Variants in NDUFA10 observed in about 807,000 individuals in gnomAD.
The protein encoded by NDUFA10 is NADH dehydrogenase [ubiquinone] 1 alpha subcomplex subunit 10, mitochondrial.
A neutral mutation model predicts 47.8 loss-of-function variants in NDUFA10; 40 were observed. That is an observed-to-expected ratio of 0.84 (90% CI 0.65 to 1.09). The LOEUF (loss-of-function observed/expected upper bound fraction) is 1.09. Among genes scored for constraint, NDUFA10 ranks in the 50% least tolerant of loss-of-function variants. The pLI is 0.00. For synonymous variants in NDUFA10, 183 were observed against 172.2 expected (o/e 1.06, Z -0.49); for missense variants, 413 against 451.1 (o/e 0.92, Z 0.76).
rs1023229569 is a variant in NDUFA10 at position 239,987,997 on chromosome 2, A to G, written c.999+2077T>C. On this transcript the variant is annotated intron_variant, in intron 9 of 9. Coordinates refer to ENST00000252711, the MANE Select transcript of NDUFA10 (RefSeq NM_004544.4). This position sits in a 1 kb window ranked among gnomAD's most constrained non-coding sequence, Gnocchi z 4.8. ...GTGGGGTAAATGGAATAAAGAAAAAAAAGAAGAAAAAATACATAGAACAGG... is the reference window on the plus strand; with the variant it reads ...GTGGGGTAAATGGAATAAAGAAAAAGAAGAAGAAAAAATACATAGAACAGG... 6.6e-6 allele frequency among the ~76,000 whole-genome samples: 1 copy of G among 152,242 alleles called. No individual in the cohort carries two copies. Among genetic ancestry groups the G allele is most frequent in the Non-Finnish European group, 1.5e-5 (1 of 68,046 alleles).
chr2:239,978,678 T>C (rs1021852592), intron 9 of NDUFA10, among the ~76,000 whole-genome samples: 4 of 152,234 alleles, frequency 2.6e-5, no homozygotes, highest in African/African-American at 9.6e-5. Context: ...GTTGTACTTG[T>C]CATTGCAATT....
At chr2:240,025,199 C>A (rs1229128255) in intron 1 of NDUFA10, 28 bp downstream of exon 1, 1 of 1,438,448 alleles carries the variant, frequency 7.0e-7, no homozygotes, top group South Asian at 1.3e-5. Context: ...TGCCACCCCG[C>A]CACCCTGCCA....
At chr2:239,968,722 AG>A (rs1405689157) in intron 9 of NDUFA10, among the ~76,000 whole-genome samples, 1 of 152,148 alleles carries the variant, frequency 6.6e-6, no homozygotes, top group Admixed American at 6.5e-5. Context: ...CAGTGTGTGC[AG>A]GGGGTAAAAC....
chr2:239,988,884 GGACA>G (rs367769470), intron 9 of NDUFA10, among the ~76,000 whole-genome samples: 2,400 of 140,468 alleles, frequency 0.017, 72 homozygotes, highest in Admixed American at 0.077. Flanking sequence ...ACGTGTACAA[GGACA>G]GAAAGGGAGA....
rs1442151351 is a variant in NDUFA10, at chr2:239,959,448, T to C, written c.*1670A>G. 1 of 985,342 alleles carries C rather than the reference T, an allele frequency of 1.0e-6. No homozygotes were observed. The highest frequency in any genetic ancestry group is 1.2e-6 in the Non-Finnish European group (1 of 829,948). 61.0% of individuals were successfully genotyped at this position (985,342 alleles called of 1,614,324 possible). A position where few individuals can be genotyped will look rare whatever the true frequency, so the allele number is the denominator to read the frequency against. On this transcript the variant is annotated 3_prime_UTR_variant, in exon 10 of 10. Transcript: ENST00000252711. ...TTTCTTTCCTCCCCTCCACAATGGGTTTGTGAAGTGCTCAGAGCAAAAGAC... is the reference window on the plus strand; with the variant it reads ...TTTCTTTCCTCCCCTCCACAATGGGCTTGTGAAGTGCTCAGAGCAAAAGAC...
chr2:240,015,502 C>T (rs1430382025), intron 4 of NDUFA10, among the ~76,000 whole-genome samples: 1 of 152,234 alleles, frequency 6.6e-6, no homozygotes, highest in Admixed American at 6.5e-5. Context: ...TATCCCGTTT[C>T]AGTAGTATAA....
intron 4 of NDUFA10, among the ~76,000 whole-genome samples, chr2:239,948,966 C>T (rs986905135): frequency 3.3e-5 from 5 of 152,246 alleles, no homozygotes; most frequent in African/African-American, 1.2e-4. Context: ...AGGGCACCCC[C>T]TTCTGCCCCT....
intron 4 of NDUFA10, among the ~76,000 whole-genome samples, chr2:239,944,191 G>A (rs753120292): frequency 9.2e-5 from 14 of 152,224 alleles, no homozygotes; most frequent in Non-Finnish European, 1.8e-4. Context: ...TCCTGGCATT[G>A]TTATCCTCCT....
intron 4 of NDUFA10, chr2:240,017,859 T>C: frequency 6.4e-7 from 1 of 1,572,694 alleles, no homozygotes; most frequent in Non-Finnish European, 8.6e-7. Flanking sequence ...CAGTACTTCC[T>C]CTGAGCTCCC....
At chr2:239,979,799 C>T (rs987929102) in intron 9 of NDUFA10, among the ~76,000 whole-genome samples, 19 of 152,242 alleles carry the variant, frequency 1.2e-4, no homozygotes, top group Middle Eastern at 3.4e-3. Context: ...CCAGGAGTAC[C>T]GCTGAACTGA....
At chr2:239,912,200 C>G (rs1015024899) in intron 4 of NDUFA10, among the ~76,000 whole-genome samples, 40 of 152,280 alleles carry the variant, frequency 2.6e-4, no homozygotes, top group African/African-American at 3.4e-4. Flanking sequence ...TTTGCACCCC[C>G]CTCTGGTCCT....
At chr2:240,008,668 G>C (rs1697032626) in intron 6 of NDUFA10, among the ~76,000 whole-genome samples, 1 of 152,224 alleles carries the variant, frequency 6.6e-6, no homozygotes, top group South Asian at 2.1e-4. Context: ...GAGTGGTCAT[G>C]AGAGATCAGG....
Position 239,960,410 on chromosome 2 carries a change from T to A in NDUFA10, c.*708A>T, listed in dbSNP as rs1457516296. The A allele has an allele frequency of 1.0e-6, 1 of 986,414 alleles. No homozygotes were observed. Among genetic ancestry groups the A allele is most frequent in the Non-Finnish European group, 1.2e-6 (1 of 830,708 alleles). The allele number at this position is 986,414 out of a possible 1,614,324, so 61.1% of individuals were successfully genotyped here. On this transcript the variant is annotated 3_prime_UTR_variant, in exon 10 of 10. Coordinates refer to ENST00000252711, the MANE Select transcript of NDUFA10 (RefSeq NM_004544.4). ...TATTATTTTGCTTTTGCATCTTATG[T>A]CATCAACAGCCTAAGCTCAAATCTC...
chr2:239,962,401 A>G (rs149066247), intron 9 of NDUFA10, among the ~76,000 whole-genome samples: 253 of 152,290 alleles, frequency 1.7e-3, no homozygotes, highest in African/African-American at 5.9e-3. Flanking sequence ...CCTCTGCCAC[A>G]GTGGCCACGC....
chr2:239,926,806 C>T (rs576446483), intron 4 of NDUFA10, among the ~76,000 whole-genome samples: 3 of 152,242 alleles, frequency 2.0e-5, no homozygotes, highest in East Asian at 1.9e-4. Flanking sequence ...CTAATAAAGA[C>T]GTACCCGAGA....
chr2:239,985,309 T>C (rs1014283171), intron 9 of NDUFA10, among the ~76,000 whole-genome samples: 2 of 152,166 alleles, frequency 1.3e-5, no homozygotes, highest in South Asian at 4.1e-4. Flanking sequence ...AGCAGTAAAC[T>C]TGAAATTATA....
chr2:240,005,893 C>T (rs905314813), intron 7 of NDUFA10, among the ~76,000 whole-genome samples: 5 of 152,124 alleles, frequency 3.3e-5, no homozygotes, highest in Non-Finnish European at 7.3e-5. Flanking sequence ...GAAAAATCAG[C>T]CTTCAGGACA....
Position 240,005,159 on chromosome 2 carries a change from T to C in NDUFA10, c.890+51A>G, listed in dbSNP as rs777426334. ...TTTCAAACTTCCCTAAGTTTCCCCATCATGCAAGTAGACCCCAGACATGCA... is the reference window on the plus strand; with the variant it reads ...TTTCAAACTTCCCTAAGTTTCCCCACCATGCAAGTAGACCCCAGACATGCA... On this transcript the variant is annotated intron_variant, in intron 8 of 9. Transcript: ENST00000252711. 6.8e-6 allele frequency: 10 copies of C among 1,468,350 alleles called. 1 individual carries two copies. The highest frequency in any genetic ancestry group is 8.6e-6 in the Non-Finnish European group (9 of 1,047,314). The allele number at this position is 1,468,350 out of a possible 1,614,324, so 91.0% of individuals were successfully genotyped here.
chr2:240,018,943 T>A (rs1429578983), intron 3 of NDUFA10, among the ~76,000 whole-genome samples: 3 of 151,824 alleles, frequency 2.0e-5, no homozygotes, highest in Non-Finnish European at 4.4e-5. Flanking sequence ...CCCACCCCCA[T>A]CCTGCTCCTG....
Sources: gnomAD v4.1 joint callset for allele counts (sites outside exome capture counted in the v4.1 genomes callset) on GRCh38, gnomAD v4.1.1 for gene constraint, Gnocchi (gnomAD v3.1) non-coding constraint, MANE v1.5 for transcripts, NCBI Gene and HGNC (gene_info 2026-07-23, HGNC 2026-07-21) for gene names.